The following DHRSX variants were observed in gnomAD, a reference collection of about 807,000 sequenced individuals.
The protein encoded by DHRSX is dehydrogenase/reductase X-linked.
In DHRSX, 31 loss-of-function variants were observed where a neutral mutation model predicts 34.0. The ratio of observed to expected loss-of-function variants is 0.91; its 90% CI spans 0.69 to 1.23. The LOEUF (loss-of-function observed/expected upper bound fraction) is 1.23. Ranked by LOEUF, DHRSX falls within the 50% of genes most tolerant of loss-of-function variation. The pLI, the probability that DHRSX is intolerant of heterozygous loss-of-function variation, is 0.00. For synonymous variants in DHRSX, 201 were observed against 183.8 expected, an observed-to-expected ratio of 1.09 and a Z score of -0.76; for missense variants, 414 against 428.1, an observed-to-expected ratio of 0.97 and a Z score of 0.29.
chrX:2,388,053 G>A (rs2043292781), intron 3 of DHRSX, among the ~76,000 whole-genome samples: 2 of 152,098 alleles, frequency 1.3e-5, no homozygotes, highest in African/African-American at 4.8e-5. Flanking sequence ...GTCCTGTGGG[G>A]ACTGATCAGC....
chrX:2,247,701 A>G (rs948500594), intron 5 of DHRSX, among the ~76,000 whole-genome samples: 1 of 151,342 alleles, frequency 6.6e-6, no homozygotes, highest in Non-Finnish European at 1.5e-5. Flanking sequence ...ATATTCATGT[A>G]TTCATTTTTT....
chrX:2,262,787 A>G (rs1401458740), intron 5 of DHRSX, among the ~76,000 whole-genome samples: 3 of 152,070 alleles, frequency 2.0e-5, no homozygotes, highest in Non-Finnish European at 4.4e-5. Flanking sequence ...CAGGGTTCAC[A>G]CTTCATGCAG....
At chrX:2,239,519 G>T (rs1176880627) in intron 6 of DHRSX, among the ~76,000 whole-genome samples, 2 of 152,026 alleles carry the variant, frequency 1.3e-5, no homozygotes, top group African/African-American at 4.8e-5. Flanking sequence ...CACTTTGAGA[G>T]GCCGAGGCAG....
intron 1 of DHRSX, among the ~76,000 whole-genome samples, chrX:2,482,182 T>C (rs1823145656): frequency 6.7e-6 from 1 of 149,998 alleles, no homozygotes; most frequent in Non-Finnish European, 1.5e-5. Flanking sequence ...CAGGCTGGAG[T>C]GCAGTGGTGC....
At chrX:2,364,380 C>T (rs949281474) in intron 3 of DHRSX, among the ~76,000 whole-genome samples, 3 of 152,152 alleles carry the variant, frequency 2.0e-5, no homozygotes, top group East Asian at 1.9e-4. Context: ...CATGGCCTCA[C>T]CACAGAGAAT....
intron 5 of DHRSX, among the ~76,000 whole-genome samples, chrX:2,245,742 G>T (rs1454834089): frequency 2.0e-5 from 3 of 146,744 alleles, no homozygotes; most frequent in Admixed American, 7.0e-5. Flanking sequence ...CGGATCACAA[G>T]GTCAGGAGTT....
intron 6 of DHRSX, among the ~76,000 whole-genome samples, chrX:2,230,222 T>C (rs2015843110): frequency 6.6e-6 from 1 of 152,182 alleles, no homozygotes; most frequent in South Asian, 2.1e-4. Flanking sequence ...TGTGTGCATG[T>C]ATGTGTGCAT....
At chrX:2,319,883 C>T (rs1308276410) in intron 3 of DHRSX, among the ~76,000 whole-genome samples, 3 of 152,020 alleles carry the variant, frequency 2.0e-5, no homozygotes, top group East Asian at 1.9e-4. Context: ...GGCTGGAGTG[C>T]GATGGCGTGA....
intron 2 of DHRSX, among the ~76,000 whole-genome samples, chrX:2,420,323 G>A (rs1603073096): frequency 6.6e-6 from 1 of 151,804 alleles, no homozygotes; most frequent in Non-Finnish European, 1.5e-5. Flanking sequence ...CAGGAGAATC[G>A]CTTCAACCCG....
chrX:2,450,730 TA>T lies in DHRSX; in HGVS notation c.110-25427del, dbSNP rs984601296. ...CTCCTTCTTGGAAAATTTATCAAAT[TA>T]AAAAAAAAAAAAGCTTAACTATTAC... On this transcript the variant is annotated intron_variant, in intron 1 of 6. Transcript: ENST00000334651. Among the ~76,000 whole-genome samples the T allele has an allele frequency of 9.0e-3, 1,239 of 137,618 alleles. 7 individuals carry two copies. The highest frequency in any genetic ancestry group is 0.023 in the African/African-American group (861 of 37,868). 90.3% of individuals were successfully genotyped at this position (137,618 alleles called of 152,430 possible). A position where few individuals can be genotyped will look rare whatever the true frequency, so the allele number is the denominator to read the frequency against.
At chrX:2,298,985 C>CAAA (rs1162323678) in intron 3 of DHRSX, among the ~76,000 whole-genome samples, 78 of 88,484 alleles carry the variant, frequency 8.8e-4, no homozygotes, top group Non-Finnish European at 9.9e-4. Flanking sequence ...AACTCTGTCT[C>CAAA]AAAAAAAAAA....
chrX:2,345,938 TCAGTACA>T (rs1435403264), intron 3 of DHRSX, among the ~76,000 whole-genome samples: 2 of 152,194 alleles, frequency 1.3e-5, no homozygotes, highest in Admixed American at 6.5e-5. Flanking sequence ...GTGCTTTCTA[TCAGTACA>T]CACATCATAT....
chrX:2,305,762 T>C (rs1312645956), intron 3 of DHRSX, among the ~76,000 whole-genome samples: 1 of 151,188 alleles, frequency 6.6e-6, no homozygotes, highest in Non-Finnish European at 1.5e-5. Flanking sequence ...ACACCACATG[T>C]TCTCACTCTT....
At chrX:2,333,146 G>GT (rs1205673732) in intron 3 of DHRSX, among the ~76,000 whole-genome samples, 5 of 152,022 alleles carry the variant, frequency 3.3e-5, no homozygotes, top group Admixed American at 6.6e-5. Context: ...TTCACGATGG[G>GT]TAAAAAAAGG....
intron 3 of DHRSX, among the ~76,000 whole-genome samples, chrX:2,330,540 AAAGGG>A (rs931926614): frequency 4.2e-5 from 6 of 141,366 alleles, no homozygotes; most frequent in Non-Finnish European, 7.7e-5. Context: ...AAAGAAAAGA[AAAGGG>A]AAGGGAAGGG....
chrX:2,490,162 C>T (rs767449336), intron 1 of DHRSX: 13 of 1,613,874 alleles, frequency 8.1e-6, no homozygotes, highest in Non-Finnish European at 9.3e-6. Context: ...CGGCCAGCTC[C>T]TTCAGGATCA....
At chrX:2,289,155 T>TTGC (rs1213752151) in intron 4 of DHRSX, among the ~76,000 whole-genome samples, 2 of 152,032 alleles carry the variant, frequency 1.3e-5, no homozygotes, top group African/African-American at 4.8e-5. Context: ...TCTTGCTCTG[T>TTGC]TGCTCAGGCT....
intron 1 of DHRSX, among the ~76,000 whole-genome samples, chrX:2,467,488 C>G (rs2044514476): frequency 6.6e-6 from 1 of 152,086 alleles, no homozygotes; most frequent in Non-Finnish European, 1.5e-5. Context: ...GTAACAGGGA[C>G]AACGTGCGGC....
At chrX:2,420,811 T>G (rs2316857) in intron 2 of DHRSX, among the ~76,000 whole-genome samples, 124,332 of 151,960 alleles carry the variant, frequency 0.82, 51,639 homozygotes, top group African/African-American at 0.95. Context: ...TTGAGGAAAA[T>G]AACTGCTTGA....
Sources: allele counts gnomAD v4.1 joint callset (sites outside exome capture counted in the v4.1 genomes callset), GRCh38; gene constraint gnomAD v4.1.1; transcripts MANE v1.5; gene names NCBI Gene and HGNC (gene_info 2026-07-23, HGNC 2026-07-21).